Variants in FGF14 observed in about 807,000 individuals in gnomAD.
The protein encoded by FGF14 is fibroblast growth factor 14.
In FGF14, 5 loss-of-function variants were observed where a neutral mutation model predicts 25.5. The observed-to-expected ratio is 0.20, with a 90% CI of 0.10 to 0.41. The LOEUF (loss-of-function observed/expected upper bound fraction) is 0.41, where lower values mean the gene tolerates loss of function less well. FGF14 is among the 10% of genes least tolerant of loss of function. The pLI, the probability that FGF14 is intolerant of heterozygous loss-of-function variation, is 1.00. For missense variants in FGF14, 222 were observed against 320.1 expected (o/e 0.69, Z 2.34); for synonymous variants, 138 against 118.3 (o/e 1.17, Z -1.08).
At chr13:102,063,606 A>T (rs1263121831) in intron 1 of FGF14, among the ~76,000 whole-genome samples, 1 of 149,220 alleles carries the variant, frequency 6.7e-6, no homozygotes, top group Non-Finnish European at 1.5e-5. Context: ...ACAGAATAAG[A>T]CTCTGTCTCA....
At chr13:101,786,816 T>C (rs566604030) in intron 3 of FGF14, among the ~76,000 whole-genome samples, 1 of 152,226 alleles carries the variant, frequency 6.6e-6, no homozygotes, top group Non-Finnish European at 1.5e-5. Context: ...TATTCTCTTA[T>C]TGTTGCTGAC....
At chr13:102,074,917 G>C (rs1349848014) in intron 1 of FGF14, among the ~76,000 whole-genome samples, 2 of 152,172 alleles carry the variant, frequency 1.3e-5, no homozygotes, top group African/African-American at 4.8e-5. Flanking sequence ...GATATAGAGA[G>C]AATGTCTCAA....
chr13:101,802,682 A>C (rs996853786), intron 3 of FGF14, among the ~76,000 whole-genome samples: 1 of 152,176 alleles, frequency 6.6e-6, no homozygotes, highest in Non-Finnish European at 1.5e-5. Context: ...ATTTCCAAAC[A>C]TTTTTAAAAA....
chr13:101,796,868 C>A (rs1445351425), intron 3 of FGF14, among the ~76,000 whole-genome samples: 1 of 152,054 alleles, frequency 6.6e-6, no homozygotes, highest in South Asian at 2.1e-4. Context: ...TGATTGCTGT[C>A]CCCTCCTGCA....
At chr13:101,856,372 C>T (rs74508222) in intron 3 of FGF14, among the ~76,000 whole-genome samples, 57 of 151,714 alleles carry the variant, frequency 3.8e-4, no homozygotes, top group East Asian at 3.1e-3. Flanking sequence ...TAGAGTTATT[C>T]GACTGGCAAT....
At chr13:102,212,192 C>T (rs765702499) in intron 1 of FGF14, among the ~76,000 whole-genome samples, 2 of 152,136 alleles carry the variant, frequency 1.3e-5, no homozygotes, top group Non-Finnish European at 2.9e-5. Context: ...CCTTCTCTGC[C>T]GTCTCAGGCC....
At chr13:101,802,428 GA>G in intron 3 of FGF14, 1 of 209,458 alleles carries the variant, frequency 4.8e-6, no homozygotes, top group Non-Finnish European at 9.6e-6. Flanking sequence ...GGACAAAGAG[GA>G]AGGGGAGGAG....
At chr13:102,113,157 A>G (rs565842822) in intron 1 of FGF14, among the ~76,000 whole-genome samples, 1 of 152,368 alleles carries the variant, frequency 6.6e-6, no homozygotes, top group Non-Finnish European at 1.5e-5. Context: ...TCTATTAACA[A>G]GCATGCTTCT....
At chr13:101,811,040 C>T (rs957392159) in intron 3 of FGF14, among the ~76,000 whole-genome samples, 1 of 121,152 alleles carries the variant, frequency 8.3e-6, no homozygotes, top group African/African-American at 2.9e-5. Context: ...CCGCCCCCCC[C>T]GGCCCCCGCA....
At chr13:102,127,778 AAATT>A (rs1420785823) in intron 1 of FGF14, among the ~76,000 whole-genome samples, 2 of 152,252 alleles carry the variant, frequency 1.3e-5, no homozygotes, top group Admixed American at 6.5e-5. Context: ...TGACTAAAAT[AAATT>A]AACACGAGTG....
chr13:101,781,144 C>T (rs950209311), intron 3 of FGF14, among the ~76,000 whole-genome samples: 1 of 152,196 alleles, frequency 6.6e-6, no homozygotes, highest in East Asian at 1.9e-4. Context: ...TTGTCTCTCT[C>T]TCTCTCTCAC....
At chr13:102,174,196 G>A (rs543205747) in intron 1 of FGF14, among the ~76,000 whole-genome samples, 227 of 149,980 alleles carry the variant, frequency 1.5e-3, no homozygotes, top group African/African-American at 5.5e-3. Flanking sequence ...ATGCAGTGGC[G>A]CGATCTCGGC....
intron 1 of FGF14, among the ~76,000 whole-genome samples, chr13:101,913,338 T>A (rs768581600): frequency 3.3e-5 from 5 of 152,174 alleles, no homozygotes; most frequent in Non-Finnish European, 5.9e-5. Flanking sequence ...TACCACACCA[T>A]TAATAGCCAT....
intron 3 of FGF14, among the ~76,000 whole-genome samples, chr13:101,788,973 GAGAT>G (rs1452851133): frequency 5.2e-5 from 6 of 115,226 alleles, no homozygotes; most frequent in Non-Finnish European, 1.1e-4. Flanking sequence ...GAGAGAGACA[GAGAT>G]AGATAAATAG....
intron 1 of FGF14, among the ~76,000 whole-genome samples, chr13:102,018,558 G>A (rs987308676): frequency 2.0e-5 from 3 of 152,042 alleles, no homozygotes; most frequent in African/African-American, 7.2e-5. Context: ...GAACACTGAA[G>A]TCTGTTCCTC....
chr13:101,923,570 T>C (rs1404861599), intron 1 of FGF14, among the ~76,000 whole-genome samples: 1 of 152,124 alleles, frequency 6.6e-6, no homozygotes, highest in Non-Finnish European at 1.5e-5. Context: ...ACAGTTTAAG[T>C]TCAAGATCAC....
intron 1 of FGF14, among the ~76,000 whole-genome samples, chr13:102,372,486 T>C (rs945060500): frequency 6.6e-6 from 1 of 152,146 alleles, no homozygotes; most frequent in African/African-American, 2.4e-5. Flanking sequence ...TTGGTTGACG[T>C]ATGCCACTAG....
At chr13:101,733,488 G>A (rs752986328) in intron 3 of FGF14, among the ~76,000 whole-genome samples, 23 of 151,586 alleles carry the variant, frequency 1.5e-4, no homozygotes, top group South Asian at 4.2e-4. Context: ...CCAGCTACTC[G>A]GGAGGCTGAG....
intron 3 of FGF14, among the ~76,000 whole-genome samples, chr13:101,743,830 G>A (rs997715058): frequency 6.6e-5 from 10 of 151,764 alleles, no homozygotes; most frequent in African/African-American, 2.4e-4. Context: ...ATTTAAAGAG[G>A]GTTTACAAAT....
Sources: allele counts gnomAD v4.1 joint callset (sites outside exome capture counted in the v4.1 genomes callset), GRCh38; gene constraint gnomAD v4.1.1; transcripts MANE v1.5; gene names NCBI Gene and HGNC (gene_info 2026-07-23, HGNC 2026-07-21).